The following SH3RF2 variants were observed in gnomAD, a reference collection of about 807,000 sequenced individuals.
SH3RF2 encodes the protein SH3 domain containing ring finger 2, also known as E3 ubiquitin-protein ligase SH3RF2.
SH3RF2 carries 43 observed loss-of-function variants against 59.0 expected under a neutral mutation model. The ratio of observed to expected loss-of-function variants is 0.73; its 90% CI spans 0.57 to 0.94. The LOEUF (loss-of-function observed/expected upper bound fraction) is 0.94, where lower values mean the gene tolerates loss of function less well. Among genes scored for constraint, SH3RF2 ranks in the 40% least tolerant of loss-of-function variants. The pLI, the probability that SH3RF2 is intolerant of heterozygous loss-of-function variation, is 0.00. For missense variants in SH3RF2, 930 were observed against 940.1 expected, an observed-to-expected ratio of 0.99 and a Z score of 0.14; for synonymous variants, 391 against 391.5, an observed-to-expected ratio of 1.00 and a Z score of 0.01.
chr5:146,036,977 T>G (rs1761957960), intron 5 of SH3RF2, among the ~76,000 whole-genome samples: 1 of 152,162 alleles, frequency 6.6e-6, no homozygotes, highest in African/African-American at 2.4e-5. Context: ...TCAAAGGCAA[T>G]CTGGACTGTG....
At chr5:146,004,983 A>G (rs1760584100) in intron 4 of SH3RF2, among the ~76,000 whole-genome samples, 1 of 152,146 alleles carries the variant, frequency 6.6e-6, no homozygotes, top group South Asian at 2.1e-4. Context: ...TTATAAATAT[A>G]TATGTGTTTA....
chr5:145,995,903 G>A (rs1760128689), intron 2 of SH3RF2, among the ~76,000 whole-genome samples: 2 of 152,100 alleles, frequency 1.3e-5, no homozygotes, highest in South Asian at 4.1e-4. Context: ...CAATTTTAAT[G>A]ACTGCAAAGT....
chr5:145,997,546 T>A, intron 2 of SH3RF2: 1 of 1,607,808 alleles, frequency 6.2e-7, no homozygotes, highest in Non-Finnish European at 8.5e-7. Context: ...CTTCCGAAAA[T>A]GGGAGTTATT....
intron 9 of SH3RF2, among the ~76,000 whole-genome samples, chr5:146,072,729 G>T (rs1396558113): frequency 1.3e-5 from 2 of 152,140 alleles, no homozygotes; most frequent in African/African-American, 2.4e-5. Flanking sequence ...ACTAAATGCA[G>T]GTACCTAGTG....
chr5:146,065,180 G>C (rs1763074510), downstream of SH3RF2, among the ~76,000 whole-genome samples: 2 of 152,136 alleles, frequency 1.3e-5, no homozygotes, highest in African/African-American at 2.4e-5. Context: ...GTCAATATCT[G>C]ATGTTTGTGG....
intron 7 of SH3RF2, among the ~76,000 whole-genome samples, chr5:146,051,468 G>GTGT (rs1174305813): frequency 6.6e-6 from 1 of 152,220 alleles, no homozygotes; most frequent in Non-Finnish European, 1.5e-5. Flanking sequence ...TTGAACCGAA[G>GTGT]TGTTAGCTGT....
chr5:146,026,144 G>A (rs1488350533), intron 5 of SH3RF2, among the ~76,000 whole-genome samples: 1 of 152,148 alleles, frequency 6.6e-6, no homozygotes, highest in Non-Finnish European at 1.5e-5. Flanking sequence ...GGGTGATCTT[G>A]CCTCTTATAT....
chr5:146,049,712 T>C (rs1022212910), intron 7 of SH3RF2, among the ~76,000 whole-genome samples: 2 of 151,376 alleles, frequency 1.3e-5, no homozygotes, highest in Admixed American at 6.6e-5. Flanking sequence ...CTAATCAGAG[T>C]TTCCATGAAC....
chr5:145,993,444 G>C (rs1760029641), intron 2 of SH3RF2, among the ~76,000 whole-genome samples: 1 of 152,208 alleles, frequency 6.6e-6, no homozygotes, highest in African/African-American at 2.4e-5. Context: ...CCTAGCAGAG[G>C]TTCTCCATGA....
At chr5:146,037,507 G>T (rs1192876944) in intron 5 of SH3RF2, among the ~76,000 whole-genome samples, 2 of 152,126 alleles carry the variant, frequency 1.3e-5, no homozygotes, top group African/African-American at 4.8e-5. Flanking sequence ...GTTTTCCAAG[G>T]TTCTATGTAG....
Position 146,056,017 on chromosome 5 carries a change from T to C in SH3RF2, c.1359T>C (p.Gly453=). Residue 453 remains glycine (G), a synonymous_variant, in exon 8 of 10, where the codon GGT becomes GGC. Transcript: ENST00000359120. The part of the protein sequence containing the change: ...TSSFPDSRSP[G]LYTTWTLSTS... ...GTTTTCCAGACTCCCGGAGCCCTGG[T>C]CTCTACACCACATGGACGTTATCCA... The C allele has an allele frequency of 6.2e-7, 1 of 1,614,094 alleles. No homozygotes were observed. Among genetic ancestry groups the C allele is most frequent in the South Asian group, 1.1e-5 (1 of 91,064 alleles).
rs766303442 is a variant in SH3RF2, at chr5:146,013,770, T to C, written c.768T>C (p.Leu256=). Residue 256 remains leucine, a synonymous_variant, in exon 5 of 10, where the codon CTT becomes CTC. Transcript: ENST00000359120. The part of the protein sequence containing the change: ...FVEPNLTARH[L]LEKNKGRQSS... ...AGCCAAACCTCACCGCAAGACACCTTTTAGAGAAGAACAAAGGTCGCCAGT... is the reference window on the plus strand; with the variant it reads ...AGCCAAACCTCACCGCAAGACACCTCTTAGAGAAGAACAAAGGTCGCCAGT... 4 of 1,614,018 alleles carry C rather than the reference T, an allele frequency of 2.5e-6. No homozygotes were observed. The South Asian group carries it at 4.4e-5, about 18-fold the overall frequency.
At chr5:146,048,682 C>T (rs186080997) in intron 6 of SH3RF2, among the ~76,000 whole-genome samples, 192 of 152,272 alleles carry the variant, frequency 1.3e-3, no homozygotes, top group Middle Eastern at 6.8e-3. Context: ...ATCTGGCAAA[C>T]CAATGGATTG....
intron 2 of SH3RF2, among the ~76,000 whole-genome samples, chr5:145,950,786 A>G (rs2149945833): frequency 6.6e-6 from 1 of 152,352 alleles, no homozygotes; most frequent in South Asian, 2.1e-4. Flanking sequence ...TTCAGGACAA[A>G]ATATATTTCA....
In SH3RF2 at chr5:146,017,816, C is replaced by T. The variant is rs185059708; in HGVS notation, c.1059+3755C>T. ...CTAGAGCCCACACTCAATCACTTCG[C>T]CTCACCCCGCCCAATCCCTCCCAAC... is the stretch of plus-strand genomic sequence containing the variant. On this transcript the variant is annotated intron_variant, in intron 5 of 9. Transcript: ENST00000359120. Among the ~76,000 whole-genome samples the T allele has an allele frequency of 6.5e-3, 987 of 152,182 alleles. 15 individuals carry two copies. The highest frequency in any genetic ancestry group is 0.023 in the African/African-American group (942 of 41,488).
At chr5:145,953,742 T>A (rs1248421652) in intron 2 of SH3RF2, among the ~76,000 whole-genome samples, 1 of 152,196 alleles carries the variant, frequency 6.6e-6, no homozygotes, top group East Asian at 1.9e-4. Context: ...CCAGTGTCTT[T>A]TGTTCCCTTC....
intron 4 of SH3RF2, 54 bp from the exon 5 acceptor site, chr5:146,013,693 T>C: frequency 6.3e-7 from 1 of 1,598,870 alleles, no homozygotes; most frequent in Non-Finnish European, 8.5e-7. Flanking sequence ...AGGAACTGGC[T>C]ACTCACATTA....
At chr5:146,078,861 G>C (rs1763380907) in exon 10 of SH3RF2, 1 of 152,170 alleles carries the variant, frequency 6.6e-6, no homozygotes, top group Non-Finnish European at 1.5e-5. Context: ...CTGTGGTCTG[G>C]CCTGTCTCTC....
chr5:146,018,101 T>G (rs1412003959), intron 5 of SH3RF2, among the ~76,000 whole-genome samples: 3 of 152,160 alleles, frequency 2.0e-5, no homozygotes, highest in South Asian at 4.1e-4. Context: ...TAATTTTAAT[T>G]TTTTCATTTC....
Sources: gnomAD v4.1 joint callset for allele counts (sites outside exome capture counted in the v4.1 genomes callset) on GRCh38, gnomAD v4.1.1 for gene constraint, MANE v1.5 for transcripts, NCBI Gene and HGNC (gene_info 2026-07-23, HGNC 2026-07-21) for gene names.